The following RBFOX1 variants were observed in gnomAD, a reference collection of about 807,000 sequenced individuals.
RBFOX1 encodes RNA binding fox-1 homolog 1, also known as RNA binding protein fox-1 homolog 1.
Under a neutral mutation model 57.7 loss-of-function variants are expected in RBFOX1, and 8 were observed. The observed-to-expected ratio is 0.14, with a 90% confidence interval of 0.08 to 0.25. The LOEUF (loss-of-function observed/expected upper bound fraction) is 0.25. Ranked by LOEUF, RBFOX1 falls within the 10% of genes least tolerant of loss-of-function variation. The pLI is 1.00. For synonymous variants in RBFOX1, 326 were observed against 222.4 expected (o/e 1.47, Z -4.15); for missense variants, 611 against 548.5 (o/e 1.11, Z -1.14).
intron 2 of RBFOX1, among the ~76,000 whole-genome samples, chr16:6,375,056 G>A (rs192281531): frequency 5.9e-5 from 9 of 152,122 alleles, no homozygotes; most frequent in East Asian, 1.9e-4. Context: ...TTGAGACCTC[G>A]CCAGGTCCAA....
rs202234230 is a variant in RBFOX1, at chr16:7,447,430, C to CAAAA, written c.28-70700_28-70697dup. ...GCTGGCCAACCGAGTGAGTCTATCT[C>CAAAA]AAAAAAAAAAAAAAAAAAAAGAGAG... On this transcript the variant is annotated intron_variant, in intron 4 of 15. Coordinates refer to ENST00000550418, the MANE Select transcript of RBFOX1 (RefSeq NM_018723.4). Among the ~76,000 whole-genome samples the CAAAA allele has an allele frequency of 5.9e-4, 58 of 98,174 alleles. 2 individuals carry two copies. Among genetic ancestry groups the CAAAA allele is most frequent in the Non-Finnish European group, 8.3e-4 (41 of 49,602 alleles). 64.4% of individuals were successfully genotyped at this position (98,174 alleles called of 152,430 possible).
At chr16:5,772,252 G>C (rs1265759405) in intron 3 of RBFOX1, among the ~76,000 whole-genome samples, 2 of 152,170 alleles carry the variant, frequency 1.3e-5, no homozygotes, top group Non-Finnish European at 2.9e-5. Flanking sequence ...GCCGGAAGAA[G>C]AGCATCCACA....
At chr16:5,603,915 A>T (rs1478796246), downstream of RBFOX1, among the ~76,000 whole-genome samples, 2 of 152,132 alleles carry the variant, frequency 1.3e-5, no homozygotes, top group East Asian at 1.9e-4. Flanking sequence ...CTCTTTCTTG[A>T]TATAGTAGAA....
intron 4 of RBFOX1, among the ~76,000 whole-genome samples, chr16:7,143,662 C>A (rs959323814): frequency 6.6e-6 from 1 of 152,076 alleles, no homozygotes; most frequent in African/African-American, 2.4e-5. Context: ...CCTGGGAGTT[C>A]AGCTCTCTGC....
chr16:7,705,388 C>G (rs950967327), intron 14 of RBFOX1, among the ~76,000 whole-genome samples: 3 of 151,952 alleles, frequency 2.0e-5, no homozygotes, highest in African/African-American at 7.3e-5. Flanking sequence ...ACCTGTAGTC[C>G]CAGCTATTCG....
intron 4 of RBFOX1, among the ~76,000 whole-genome samples, chr16:5,933,833 G>C (rs1024191550): frequency 6.6e-6 from 1 of 151,838 alleles, no homozygotes; most frequent in East Asian, 1.9e-4. Context: ...ACGTGTGCAG[G>C]TTTGTTATAT....
chr16:6,474,340 A>G (rs1239820176), intron 2 of RBFOX1, among the ~76,000 whole-genome samples: 2 of 152,214 alleles, frequency 1.3e-5, no homozygotes, highest in Non-Finnish European at 2.9e-5. Flanking sequence ...GTCCAAAGCT[A>G]TAACACAGTG....
intron 3 of RBFOX1, among the ~76,000 whole-genome samples, chr16:6,754,698 A>G (rs1414206766): frequency 6.6e-6 from 1 of 151,690 alleles, no homozygotes; most frequent in Non-Finnish European, 1.5e-5. Context: ...AGGAAATGGA[A>G]TGTTGTTTTT....
At chr16:7,591,221 G>C (rs776232176) in intron 7 of RBFOX1, among the ~76,000 whole-genome samples, 14 of 152,108 alleles carry the variant, frequency 9.2e-5, no homozygotes, top group Non-Finnish European at 1.9e-4. Flanking sequence ...AAGATCACTG[G>C]AGTAAAAGTG....
At chr16:5,613,527 G>A (rs187360761) in intron 3 of RBFOX1, among the ~76,000 whole-genome samples, 5 of 152,312 alleles carry the variant, frequency 3.3e-5, no homozygotes, top group Admixed American at 3.3e-4. Flanking sequence ...AGGGGAATGA[G>A]AGAGTCATAC....
intron 3 of RBFOX1, among the ~76,000 whole-genome samples, chr16:6,700,640 A>C (rs1172805404): frequency 2.6e-5 from 4 of 152,132 alleles, no homozygotes; most frequent in Admixed American, 2.0e-4. Context: ...CCTGGGCAAC[A>C]AAAACGAAAC....
At chr16:6,899,099 A>G (rs1160991109) in intron 3 of RBFOX1, among the ~76,000 whole-genome samples, 2 of 142,318 alleles carry the variant, frequency 1.4e-5, no homozygotes, top group Non-Finnish European at 3.1e-5. Context: ...TAATGTGTGT[A>G]CATCTGTGTA....
intron 2 of RBFOX1, among the ~76,000 whole-genome samples, chr16:6,378,671 C>T (rs773614967): frequency 6.6e-6 from 1 of 152,198 alleles, no homozygotes; most frequent in African/African-American, 2.4e-5. Flanking sequence ...GAGCTCATCT[C>T]AAATGTCACC....
intron 4 of RBFOX1, among the ~76,000 whole-genome samples, chr16:7,453,208 G>T (rs564275113): frequency 1.1e-3 from 164 of 152,228 alleles, no homozygotes; most frequent in Non-Finnish European, 1.9e-3. Context: ...GAAGGAACAG[G>T]TGCTAGACTT....
At chr16:5,880,506 T>G (rs2057736418) in intron 4 of RBFOX1, among the ~76,000 whole-genome samples, 1 of 152,242 alleles carries the variant, frequency 6.6e-6, no homozygotes. Context: ...TATTTCAATC[T>G]TACAATAATC....
chr16:7,008,402 C>G (rs1232591276), intron 3 of RBFOX1, among the ~76,000 whole-genome samples: 1 of 151,838 alleles, frequency 6.6e-6, no homozygotes. Flanking sequence ...ATTAGCCAGG[C>G]ATGGTGGCGC....
chr16:5,620,680 C>T (rs1474973761), intron 3 of RBFOX1, among the ~76,000 whole-genome samples: 1 of 150,356 alleles, frequency 6.7e-6, no homozygotes, highest in South Asian at 2.1e-4. Context: ...TTTATTTACT[C>T]ATTTATTTTT....
At chr16:5,990,124 T>C (rs1468267081) in intron 4 of RBFOX1, among the ~76,000 whole-genome samples, 1 of 152,164 alleles carries the variant, frequency 6.6e-6, no homozygotes, top group African/African-American at 2.4e-5. Context: ...TAGCTGGGAC[T>C]GTAGGCATGT....
chr16:5,350,283 C>T (rs778689263), intron 1 of RBFOX1, among the ~76,000 whole-genome samples: 5 of 152,108 alleles, frequency 3.3e-5, no homozygotes, highest in Non-Finnish European at 5.9e-5. Context: ...ATTTTGGAGA[C>T]AAATGGGGCA....
Sources: gnomAD v4.1 joint callset for allele counts (sites outside exome capture counted in the v4.1 genomes callset) on GRCh38, gnomAD v4.1.1 for gene constraint, MANE v1.5 for transcripts, NCBI Gene and HGNC (gene_info 2026-07-23, HGNC 2026-07-21) for gene names.